Variants in SYMPK observed in about 807,000 individuals in gnomAD.
SYMPK encodes the protein symplekin.
A neutral mutation model predicts 136.4 loss-of-function variants in SYMPK; 49 were observed. The observed-to-expected ratio is 0.36, with a 90% CI of 0.29 to 0.46. SYMPK has a LOEUF of 0.46. Among genes scored for constraint, SYMPK ranks in the 20% least tolerant of loss-of-function variants. The pLI is 1.00. For missense variants in SYMPK, 1,365 were observed against 1,690.0 expected (o/e 0.81, Z 3.37); for synonymous variants, 766 against 713.0 (o/e 1.07, Z -1.19).
At chr19:45,849,021 T>G in intron 5 of SYMPK, 145 bp from the exon 6 acceptor site, 1 of 971,598 alleles carries the variant, frequency 1.0e-6, no homozygotes. Context: ...CAGTGCTTGG[T>G]GCCTCCAGAC....
At chr19:45,832,805 T>A (rs1207831633) in intron 11 of SYMPK, among the ~76,000 whole-genome samples, 1 of 144,520 alleles carries the variant, frequency 6.9e-6, no homozygotes, top group African/African-American at 2.6e-5. Context: ...AGGTCAGGAG[T>A]TCGAGACCAG....
intron 23 of SYMPK, among the ~76,000 whole-genome samples, chr19:45,817,420 T>C (rs1485928994): frequency 3.7e-4 from 3 of 8,044 alleles, no homozygotes; most frequent in Admixed American, 1.3e-3. Context: ...TTGTTCTCTT[T>C]TTTTTTTTTT....
At chr19:45,854,588 A>G (rs1273687019) in intron 1 of SYMPK, 81 bp from the exon 2 acceptor site, 1 of 1,148,146 alleles carries the variant, frequency 8.7e-7, no homozygotes, top group Non-Finnish European at 1.3e-6. Flanking sequence ...CCGAACACCT[A>G]CAAAGGGCCC....
intron 24 of SYMPK, 26 bp downstream of exon 24, chr19:45,816,772 G>T (rs1482021429): frequency 6.6e-7 from 1 of 1,508,208 alleles, no homozygotes; most frequent in South Asian, 1.2e-5. Context: ...TGGGGGGAAA[G>T]GGTACCTGGT....
chr19:45,842,105 G>T, intron 9 of SYMPK, 145 bp downstream of exon 9: 5 of 1,332,056 alleles, frequency 3.8e-6, no homozygotes. Flanking sequence ...CAAAGTGCTG[G>T]GAATACAGGT....
rs750259200 is a variant in SYMPK, at chr19:45,816,587, G to C, written c.3259-10C>G. On this transcript the variant is annotated splice_polypyrimidine_tract_variant and intron_variant, in intron 24 of 26. Coordinates refer to ENST00000245934, the MANE Select transcript of SYMPK (RefSeq NM_004819.3). Reference sequence around the variant, plus strand: ...TAGGGATGTGAGCTTGCTGGGTGGAGAGCAGGAAGGGGGCGCTGGGGGCAG... The same window carrying C: ...TAGGGATGTGAGCTTGCTGGGTGGACAGCAGGAAGGGGGCGCTGGGGGCAG... 2 of 1,613,308 alleles carry C rather than the reference G, an allele frequency of 1.2e-6. No homozygotes were observed. Among genetic ancestry groups the C allele is most frequent in the East Asian group, 2.2e-5 (1 of 44,888 alleles).
chr19:45,817,415 C>CTTTTTTTTTT (rs1568605953), intron 23 of SYMPK, among the ~76,000 whole-genome samples: 5 of 100,170 alleles, frequency 5.0e-5, no homozygotes, highest in African/African-American at 1.6e-4. Flanking sequence ...TTTTTTTGTT[C>CTTTTTTTTTT]TCTTTTTTTT....
chr19:45,833,372 C>A (rs1267190722), intron 11 of SYMPK, among the ~76,000 whole-genome samples: 2 of 152,222 alleles, frequency 1.3e-5, no homozygotes, highest in East Asian at 1.9e-4. Flanking sequence ...GAGGCCAAGA[C>A]GGACAGATCA....
At chr19:45,825,515 G>A (rs1971021600) in intron 17 of SYMPK, among the ~76,000 whole-genome samples, 184 bp from the exon 18 acceptor site, 1 of 152,158 alleles carries the variant, frequency 6.6e-6, no homozygotes, top group African/African-American at 2.4e-5. Context: ...CCAGCCTCCC[G>A]TGACTGCCAA....
chr19:45,826,428 G>C (rs1440195309), intron 16 of SYMPK, 55 bp from the exon 17 acceptor site: 7 of 1,579,674 alleles, frequency 4.4e-6, no homozygotes, highest in Non-Finnish European at 6.1e-6. Flanking sequence ...AGGAAGAACA[G>C]CTATTCCTGC....
At chr19:45,826,191 A>G (rs776053527) in intron 17 of SYMPK, 35 bp downstream of exon 17, 2 of 1,591,764 alleles carry the variant, frequency 1.3e-6, no homozygotes, top group Non-Finnish European at 1.7e-6. Flanking sequence ...CGGACACAGC[A>G]GCGCTCAGTA....
chr19:45,817,940 G>T lies in SYMPK; in HGVS notation c.3081+19C>A. The stretch of plus-strand genomic sequence containing the variant: ...CTGCTGTCTGCAGCCTGGAGGCGGG[G>T]TGGCCGGGGATGGGTTACCTGCTTC... On this transcript the variant is annotated intron_variant, in intron 23 of 26. Transcript: ENST00000245934. The T allele has an allele frequency of 6.5e-7, 1 of 1,547,356 alleles. No homozygotes were observed. The highest frequency in any genetic ancestry group is 8.7e-7 in the Non-Finnish European group (1 of 1,143,476).
Position 45,816,787 on chromosome 19 carries a change from G to A in SYMPK, c.3258+11C>T, listed in dbSNP as rs1347175788. 6.6e-7 allele frequency: 1 copy of A among 1,521,620 alleles called. No homozygotes were observed. Among genetic ancestry groups the A allele is most frequent in the Non-Finnish European group, 8.8e-7 (1 of 1,133,830 alleles). 94.3% of individuals were successfully genotyped at this position (1,521,620 alleles called of 1,614,324 possible). ...TGGGGGGAAAGGGTACCTGGTGGGG[G>A]GAAGGGGTACCTGGTGGGGGGTGAA... On this transcript the variant is annotated intron_variant, in intron 24 of 26. Transcript: ENST00000245934.
At chr19:45,817,111 C>T in intron 23 of SYMPK, 137 bp from the exon 24 acceptor site, 1 of 856,724 alleles carries the variant, frequency 1.2e-6, no homozygotes, top group Non-Finnish European at 1.7e-6. Flanking sequence ...AACAAGCAGC[C>T]CCGACCTCCC....
chr19:45,842,163 T>C lies in SYMPK; in HGVS notation c.1087+87A>G, dbSNP rs141013240. ...CATAACATAATCTATAATATAATCT[T>C]AGTAAATACAAATTCAGCATAGTTT... On this transcript the variant is annotated intron_variant, in intron 9 of 26. Coordinates refer to ENST00000245934, the MANE Select transcript of SYMPK (RefSeq NM_004819.3). 25 of 1,569,072 alleles carry C rather than the reference T, an allele frequency of 1.6e-5. No homozygotes were observed. The African/African-American group carries it at 2.4e-4, about 15-fold the overall frequency.
chr19:45,846,580 G>A (rs1971566411), intron 7 of SYMPK, among the ~76,000 whole-genome samples: 1 of 152,258 alleles, frequency 6.6e-6, no homozygotes, highest in East Asian at 1.9e-4. Context: ...ATGTCTCTGA[G>A]ATGAAAACAC....
intron 9 of SYMPK, among the ~76,000 whole-genome samples, chr19:45,839,717 A>T (rs1971390725): frequency 6.6e-6 from 1 of 152,182 alleles, no homozygotes; most frequent in Admixed American, 6.6e-5. Context: ...CTGTAGTCCC[A>T]GCTACTCGGG....
In SYMPK at chr19:45,816,958, T is replaced by C. The variant is rs1438823785; in HGVS notation, c.3098A>G (p.Lys1033Arg). The C allele has an allele frequency of 6.4e-7, 1 of 1,561,148 alleles. No homozygotes were observed. Among genetic ancestry groups the C allele is most frequent in the Non-Finnish European group, 8.7e-7 (1 of 1,152,538 alleles). ...LIMKQVWKYP[K>R]VWEGFIKCCQ... is the part of the protein sequence containing the mutation. ...GCACTTGATGAAGCCCTCCCACACCTTGGGGTACTTCCACACCTGAACCAG... is the reference window on the plus strand; with the variant it reads ...GCACTTGATGAAGCCCTCCCACACCCTGGGGTACTTCCACACCTGAACCAG... Residue 1033 changes from lysine to arginine, a missense_variant, in exon 24 of 27, where the codon AAG (lysine) becomes AGG (arginine). Coordinates refer to ENST00000245934, the MANE Select transcript of SYMPK (RefSeq NM_004819.3).
At position 45,838,500 on chromosome 19, in the gene SYMPK, G is replaced by A. The variant is rs201282044; in HGVS notation, c.1203C>T (p.Phe401=). 6.2e-6 allele frequency: 10 copies of A among 1,614,070 alleles called. No homozygotes were observed. Among genetic ancestry groups the A allele is most frequent in the Non-Finnish European group, 7.6e-6 (9 of 1,179,960 alleles). Residue 401 remains phenylalanine (F), a synonymous_variant, in exon 10 of 27, where the codon TTC becomes TTT. Transcript: ENST00000245934. ...TATCAGGCGTCAGCAGAGGCTGCAGGAACTCAGCTGTGATGTCCGTGTCTG... is the reference window on the plus strand; with the variant it reads ...TATCAGGCGTCAGCAGAGGCTGCAGAAACTCAGCTGTGATGTCCGTGTCTG... The part of the protein sequence containing the change: ...GQSDTDITAE[F]LQPLLTPDNV...
Sources: allele counts gnomAD v4.1 joint callset (sites outside exome capture counted in the v4.1 genomes callset), GRCh38; gene constraint gnomAD v4.1.1; transcripts MANE v1.5; gene names NCBI Gene and HGNC (gene_info 2026-07-23, HGNC 2026-07-21).